The following B3GALT1 variants were observed in gnomAD, a reference collection of about 807,000 sequenced individuals.
B3GALT1 encodes UDP-Gal:betaGlcNAc beta 1,3-galactosyltransferase, polypeptide 1.
B3GALT1 carries 10 observed loss-of-function variants against 23.2 expected under a neutral mutation model. The ratio of observed to expected loss-of-function variants is 0.43; its 90% CI spans 0.27 to 0.73. The LOEUF (loss-of-function observed/expected upper bound fraction) is 0.73. B3GALT1 is among the 30% of genes least tolerant of loss of function. The pLI, the probability that B3GALT1 is intolerant of heterozygous loss-of-function variation, is 0.21. For synonymous variants in B3GALT1, 156 were observed against 141.5 expected (o/e 1.10, Z -0.73); for missense variants, 299 against 405.4 (o/e 0.74, Z 2.25).
Position 167,587,217 on chromosome 2 carries a change from T to G in B3GALT1, c.-409-59692T>G, listed in dbSNP as rs142280070. On this transcript the variant is annotated intron_variant, in intron 2 of 4. Coordinates refer to ENST00000392690, the MANE Select transcript of B3GALT1 (RefSeq NM_020981.4). ...CGTGTTATTTTTCTTTAAAATATTT[T>G]ACTACTTGCCTAGGTACCTTGTCAT... Among the ~76,000 whole-genome samples, 342 of 152,348 alleles carry G rather than the reference T, an allele frequency of 2.2e-3. 5 individuals carry two copies. The East Asian group carries it at 0.045, about 20-fold the overall frequency.
chr2:167,361,057 T>C (rs1483132443), intron 1 of B3GALT1, among the ~76,000 whole-genome samples: 1 of 152,214 alleles, frequency 6.6e-6, no homozygotes, highest in Non-Finnish European at 1.5e-5. Context: ...TTATGGTGGC[T>C]CAATAATATT....
At position 167,435,433 on chromosome 2, in the gene B3GALT1, CAAAAAAAAAAAAA is replaced by C. The variant is rs1159357073; in HGVS notation, c.-510-54727_-510-54715del. Among the ~76,000 whole-genome samples the C allele has an allele frequency of 4.3e-3, 113 of 26,208 alleles. 2 individuals carry two copies. The highest frequency in any genetic ancestry group is 3.3e-3 in the Non-Finnish European group (38 of 11,464). The allele number at this position is 26,208 out of a possible 152,430, so 17.2% of individuals were successfully genotyped here. A position where few individuals can be genotyped will look rare whatever the true frequency, so the allele number is the denominator to read the frequency against. The stretch of plus-strand genomic sequence containing the variant: ...AGCGTGCTTTAGAAACATATGCTTG[CAAAAAAAAAAAAA>C]AAAAAAAAAAAAAAAAGCAGAGAAA... On this transcript the variant is annotated intron_variant, in intron 1 of 4. Transcript: ENST00000392690.
At chr2:167,426,224 G>A (rs1001244481) in intron 1 of B3GALT1, among the ~76,000 whole-genome samples, 24 of 151,856 alleles carry the variant, frequency 1.6e-4, no homozygotes, top group Admixed American at 1.5e-3. Context: ...TGGCTCACTG[G>A]AGTATGATAG....
chr2:167,774,489 T>G (rs868685702), intron 3 of B3GALT1, among the ~76,000 whole-genome samples: 837 of 74,398 alleles, frequency 0.011, 14 homozygotes, highest in African/African-American at 0.049. Flanking sequence ...TTTTTTGTTT[T>G]TTTTTTTGTT....
At chr2:167,847,696 C>A (rs1187198144) in intron 4 of B3GALT1, among the ~76,000 whole-genome samples, 2 of 152,036 alleles carry the variant, frequency 1.3e-5, no homozygotes, top group Admixed American at 1.3e-4. Context: ...GAAACAAGAA[C>A]AAACCAAACC....
At position 167,721,361 on chromosome 2, in the gene B3GALT1, T is replaced by C. The variant is rs545941537; in HGVS notation, c.-352+74395T>C. On this transcript the variant is annotated intron_variant, in intron 3 of 4. Transcript: ENST00000392690. ...TTGAAGCAGTGCAGAAAAGGGAGAG[T>C]TGGTAGATCTCACTGTATTGCCTTT... 9.2e-5 allele frequency among the ~76,000 whole-genome samples: 14 copies of C among 151,978 alleles called. No homozygotes were observed. The South Asian group carries it at 2.9e-3, about 32-fold the overall frequency.
At chr2:167,301,772 C>T (rs1373915829) in intron 1 of B3GALT1, among the ~76,000 whole-genome samples, 1 of 152,154 alleles carries the variant, frequency 6.6e-6, no homozygotes, top group Non-Finnish European at 1.5e-5. Flanking sequence ...CAGTGACAAA[C>T]TCCTGACCTC....
chr2:167,638,806 C>G (rs1419505468), intron 2 of B3GALT1, among the ~76,000 whole-genome samples: 1 of 151,952 alleles, frequency 6.6e-6, no homozygotes. Context: ...TCTTGAATAT[C>G]AAACTTTTAG....
At chr2:167,365,585 TACACACACACACACACACACACAC>T (rs10683932) in intron 1 of B3GALT1, among the ~76,000 whole-genome samples, 2 of 140,396 alleles carry the variant, frequency 1.4e-5, no homozygotes, top group African/African-American at 5.2e-5. Context: ...GAGATACAAA[TACACACACACACACACACACACAC>T]ACACACACAC....
chr2:167,851,506 T>C (rs907993162), intron 4 of B3GALT1, among the ~76,000 whole-genome samples: 3 of 152,196 alleles, frequency 2.0e-5, no homozygotes, highest in African/African-American at 7.2e-5. Flanking sequence ...GTCTTGAGTT[T>C]CTCAAAGGAA....
intron 2 of B3GALT1, among the ~76,000 whole-genome samples, chr2:167,645,539 G>A (rs1225506242): frequency 3.4e-5 from 5 of 146,026 alleles, no homozygotes; most frequent in Admixed American, 7.0e-5. Context: ...TTCTACCCTT[G>A]GCCACTGCCA....
chr2:167,492,391 C>T (rs1312836471), intron 2 of B3GALT1, among the ~76,000 whole-genome samples: 1 of 148,354 alleles, frequency 6.7e-6, no homozygotes, highest in Admixed American at 6.8e-5. Context: ...TGAAGAATAT[C>T]TTGATTGTTT....
At chr2:167,299,661 A>G (rs1696414334) in intron 1 of B3GALT1, among the ~76,000 whole-genome samples, 1 of 152,098 alleles carries the variant, frequency 6.6e-6, no homozygotes, top group Non-Finnish European at 1.5e-5. Context: ...TTTAGTTATT[A>G]TTTTGGCCTA....
intron 1 of B3GALT1, among the ~76,000 whole-genome samples, chr2:167,394,269 A>G (rs1386436140): frequency 6.6e-6 from 1 of 152,162 alleles, no homozygotes; most frequent in Non-Finnish European, 1.5e-5. Context: ...TTTAGGTCAA[A>G]CACTCTTCGT....
chr2:167,580,312 G>A (rs543103671), intron 2 of B3GALT1, among the ~76,000 whole-genome samples: 1 of 152,206 alleles, frequency 6.6e-6, no homozygotes, highest in African/African-American at 2.4e-5. Context: ...TAAAACAATA[G>A]TAGCCTCTTG....
chr2:167,301,335 G>T (rs957456572), intron 1 of B3GALT1, among the ~76,000 whole-genome samples: 6 of 152,190 alleles, frequency 3.9e-5, no homozygotes, highest in Non-Finnish European at 8.8e-5. Context: ...GAGAATATGA[G>T]AGGAAATGAT....
intron 3 of B3GALT1, among the ~76,000 whole-genome samples, chr2:167,747,576 A>G (rs563500481): frequency 6.6e-6 from 1 of 152,372 alleles, no homozygotes; most frequent in South Asian, 2.1e-4. Context: ...AAGAGGCTCA[A>G]GAGAAACTCA....
chr2:167,763,014 G>A (rs1299876016), intron 3 of B3GALT1, among the ~76,000 whole-genome samples: 2 of 152,164 alleles, frequency 1.3e-5, no homozygotes, highest in Non-Finnish European at 1.5e-5. Flanking sequence ...GGTAGGAAAA[G>A]TACGTCTATT....
chr2:167,799,970 A>G (rs919387543), intron 3 of B3GALT1, among the ~76,000 whole-genome samples: 3 of 126,816 alleles, frequency 2.4e-5, no homozygotes, highest in African/African-American at 1.1e-4. Context: ...ACTTATGTAT[A>G]CACTTATGTA....
Sources: gnomAD v4.1 joint callset for allele counts (sites outside exome capture counted in the v4.1 genomes callset) on GRCh38, gnomAD v4.1.1 for gene constraint, MANE v1.5 for transcripts, NCBI Gene and HGNC (gene_info 2026-07-23, HGNC 2026-07-21) for gene names.